Variants in APP observed in about 807,000 individuals in gnomAD.
The protein encoded by APP is amyloid-beta precursor protein.
A neutral mutation model predicts 101.4 loss-of-function variants in APP; 31 were observed. The ratio of observed to expected loss-of-function variants is 0.31; its 90% CI spans 0.23 to 0.41. The LOEUF (loss-of-function observed/expected upper bound fraction) is 0.41, where lower values mean the gene tolerates loss of function less well. Ranked by LOEUF, APP falls within the 10% of genes least tolerant of loss-of-function variation. APP has a pLI of 1.00. For missense variants in APP, 839 were observed against 1,003.7 expected (o/e 0.84, Z 2.22); for synonymous variants, 366 against 364.4 (o/e 1.00, Z -0.05).
rs199613778 is a variant in APP at position 26,021,829 on chromosome 21, T to C, written c.865+11A>G. 171 of 1,612,318 alleles carry C rather than the reference T, an allele frequency of 1.1e-4. 2 individuals carry two copies. The South Asian group carries it at 1.6e-3, about 15-fold the overall frequency. On this transcript the variant is annotated intron_variant, in intron 6 of 17. Transcript: ENST00000346798. ...TGGGGGTGGGGGGAATCCAAGCAAA[T>C]GGTGGATTACCTCGAACCACCTCTT...
At chr21:26,135,824 G>T (rs2062885395) in intron 1 of APP, among the ~76,000 whole-genome samples, 2 of 152,000 alleles carry the variant, frequency 1.3e-5, no homozygotes, top group African/African-American at 4.8e-5. Context: ...AGGAATATCT[G>T]GACTTGTGTT....
chr21:26,134,365 G>C (rs923322163), intron 1 of APP, among the ~76,000 whole-genome samples: 6 of 152,186 alleles, frequency 3.9e-5, no homozygotes, highest in African/African-American at 1.4e-4. Context: ...CTGTGCTTCT[G>C]ACCAACTGGC....
intron 13 of APP, among the ~76,000 whole-genome samples, chr21:25,927,803 T>A (rs771917359): frequency 6.6e-6 from 1 of 152,174 alleles, no homozygotes; most frequent in Non-Finnish European, 1.5e-5. Context: ...AAGAAGTCCC[T>A]TTTCCTTTAA....
In APP at chr21:25,897,620, C is replaced by T. The variant is rs63750847; in HGVS notation, c.2017G>A (p.Ala673Thr). Reference protein sequence around the residue: ...TEEISEVKMDAEFRHDSGYEV... With the variant: ...TEEISEVKMDTEFRHDSGYEV... ...TATCCTGAGTCATGTCGGAATTCTGCATCCATCTTCACTTCAGAGATCTCC... is the reference window on the plus strand; with the variant it reads ...TATCCTGAGTCATGTCGGAATTCTGTATCCATCTTCACTTCAGAGATCTCC... Residue 673 changes from alanine (A) to threonine (T), a missense_variant, in exon 16 of 18, where the codon GCA becomes ACA. Physicochemically the swap from Ala to Thr is moderately conservative, Grantham distance 58. Transcript: ENST00000346798. The T allele has an allele frequency of 1.9e-4, 303 of 1,613,936 alleles. No individual in the cohort carries two copies. Among genetic ancestry groups the T allele is most frequent in the Non-Finnish European group, 5.7e-5 (67 of 1,179,962 alleles).
Position 25,970,349 on chromosome 21 carries a change from A to G in APP, c.1458+4721T>C, listed in dbSNP as rs577810332. 1.4e-4 allele frequency among the ~76,000 whole-genome samples: 22 copies of G among 152,298 alleles called. 1 individual carries two copies. The South Asian group carries it at 4.4e-3, about 30-fold the overall frequency. On this transcript the variant is annotated intron_variant, in intron 11 of 17. Coordinates refer to ENST00000346798, the MANE Select transcript of APP (RefSeq NM_000484.4). ...TTGTTAAAGCCTCCATTCAGCCCTC[A>G]GCTTATTTTTAGTCCCATCAATGTC...
At chr21:25,945,798 C>A (rs1035063875) in intron 13 of APP, 3 of 428,554 alleles carry the variant, frequency 7.0e-6, no homozygotes, top group African/African-American at 4.1e-5. Context: ...AGGAGATCCT[C>A]CCACCACAGC....
At chr21:26,044,237 C>T (rs1425499689) in intron 5 of APP, among the ~76,000 whole-genome samples, 3 of 152,184 alleles carry the variant, frequency 2.0e-5, no homozygotes, top group Non-Finnish European at 4.4e-5. Flanking sequence ...AGCTGTAATG[C>T]ACCATACTCA....
intron 1 of APP, among the ~76,000 whole-genome samples, chr21:26,139,002 G>A (rs895185920): frequency 2.0e-5 from 3 of 152,024 alleles, no homozygotes; most frequent in Non-Finnish European, 2.9e-5. Context: ...ATTGTGACAC[G>A]GTTACACTTT....
intron 2 of APP, among the ~76,000 whole-genome samples, chr21:26,106,005 G>A (rs929636739): frequency 2.0e-5 from 3 of 152,228 alleles, no homozygotes; most frequent in Non-Finnish European, 4.4e-5. Flanking sequence ...AGTCCCTGCA[G>A]ATACGGTGGT....
At chr21:26,048,916 C>G (rs550706373) in intron 5 of APP, among the ~76,000 whole-genome samples, 1 of 152,092 alleles carries the variant, frequency 6.6e-6, no homozygotes, top group Admixed American at 6.5e-5. Flanking sequence ...TGGGGCAGAA[C>G]GGTGGGAATG....
intron 1 of APP, among the ~76,000 whole-genome samples, chr21:26,132,854 C>T (rs953494286): frequency 2.6e-5 from 4 of 152,222 alleles, no homozygotes; most frequent in South Asian, 2.1e-4. Flanking sequence ...AGTGAATAAA[C>T]GGGTAAGTGA....
intron 3 of APP, among the ~76,000 whole-genome samples, chr21:26,085,429 C>T (rs899680925): frequency 2.0e-5 from 3 of 152,158 alleles, no homozygotes; most frequent in Non-Finnish European, 2.9e-5. Context: ...ACATGCATCT[C>T]CCATGACTTC....
chr21:26,067,687 T>C (rs569905393), intron 3 of APP, among the ~76,000 whole-genome samples: 1 of 152,360 alleles, frequency 6.6e-6, no homozygotes, highest in African/African-American at 2.4e-5. Flanking sequence ...AGTTCTCATA[T>C]CATAAATTGT....
intron 2 of APP, among the ~76,000 whole-genome samples, chr21:26,105,385 T>C (rs1303268701): frequency 6.6e-6 from 1 of 152,168 alleles, no homozygotes; most frequent in Non-Finnish European, 1.5e-5. Flanking sequence ...ATGGTAAGAT[T>C]ATAACTTTGA....
intron 5 of APP, among the ~76,000 whole-genome samples, chr21:26,035,996 G>T (rs1329405987): frequency 1.3e-5 from 2 of 152,018 alleles, no homozygotes; most frequent in Non-Finnish European, 2.9e-5. Flanking sequence ...GGTAGCAGGG[G>T]AATTAAGAAC....
chr21:25,884,791 T>C (rs963939645), intron 17 of APP, among the ~76,000 whole-genome samples: 1 of 152,232 alleles, frequency 6.6e-6, no homozygotes, highest in Admixed American at 6.5e-5. Flanking sequence ...TGGAATATTA[T>C]ACTTTTATTT....
intron 5 of APP, among the ~76,000 whole-genome samples, chr21:26,048,180 G>A (rs1406035371): frequency 6.6e-6 from 1 of 151,870 alleles, no homozygotes; most frequent in African/African-American, 2.4e-5. Context: ...AAAATTAGCT[G>A]GGCATGCTGG....
chr21:25,884,625 G>A lies in APP; in HGVS notation c.2212-2854C>T, dbSNP rs545816969. ...GGAGACAGCCTATCTGCAGCAGTAC[G>A]CCATTTGAACTTGGGCATCATTTTT... On this transcript the variant is annotated intron_variant, in intron 17 of 17. Coordinates refer to ENST00000346798, the MANE Select transcript of APP (RefSeq NM_000484.4). Among the ~76,000 whole-genome samples the A allele has an allele frequency of 6.6e-5, 10 of 152,234 alleles. No homozygotes were observed. The South Asian group carries it at 1.0e-3, about 16-fold the overall frequency.
At chr21:26,140,324 G>A (rs1468027516) in intron 1 of APP, 24 of 1,527,092 alleles carry the variant, frequency 1.6e-5, no homozygotes, top group Non-Finnish European at 1.7e-5. Flanking sequence ...CCATCCTCGG[G>A]AGGGTGAGTC....
Sources: gnomAD v4.1 joint callset for allele counts (sites outside exome capture counted in the v4.1 genomes callset) on GRCh38, gnomAD v4.1.1 for gene constraint, MANE v1.5 for transcripts, NCBI Gene and HGNC (gene_info 2026-07-23, HGNC 2026-07-21) for gene names.